COL14A1: variants seen among roughly 807,000 people sequenced by gnomAD.
COL14A1 encodes collagen type XIV alpha 1 chain, also known as collagen alpha-1(XIV) chain.
Under a neutral mutation model 230.3 loss-of-function variants are expected in COL14A1, and 136 were observed. The observed-to-expected ratio is 0.59, with a 90% CI of 0.51 to 0.68. The LOEUF is 0.68. Among genes scored for constraint, COL14A1 ranks in the 30% least tolerant of loss-of-function variants. The probability of loss-of-function intolerance (pLI) is 0.00; values close to 1 mark genes in which losing one functional copy is unlikely to be tolerated. For missense variants in COL14A1, 1,976 were observed against 2,215.8 expected (o/e 0.89, Z 2.17); for synonymous variants, 792 against 784.1 (o/e 1.01, Z -0.17).
intron 5 of COL14A1, among the ~76,000 whole-genome samples, chr8:120,169,634 T>C (rs2130587194): frequency 6.6e-6 from 1 of 152,248 alleles, no homozygotes; most frequent in Non-Finnish European, 1.5e-5. Flanking sequence ...TCCTGGTGTA[T>C]AATTTGCCTT....
intron 34 of COL14A1, among the ~76,000 whole-genome samples, chr8:120,293,333 C>G (rs977247297): frequency 1.3e-5 from 2 of 151,870 alleles, no homozygotes; most frequent in African/African-American, 4.8e-5. Context: ...TCTACAAACA[C>G]TTGTTTGAAA....
intron 45 of COL14A1, among the ~76,000 whole-genome samples, chr8:120,349,471 G>C (rs201866920): frequency 7.5e-6 from 1 of 133,546 alleles, no homozygotes; most frequent in Non-Finnish European, 1.6e-5. Flanking sequence ...CAAAGGCAAA[G>C]AAGTTGAAAA....
intron 26 of COL14A1, among the ~76,000 whole-genome samples, chr8:120,272,593 A>G (rs971955018): frequency 6.6e-5 from 10 of 151,534 alleles, no homozygotes; most frequent in African/African-American, 2.4e-4. Flanking sequence ...GTAAAGGGGT[A>G]AAAGAAGATA....
chr8:120,323,771 T>C (rs897892416), intron 40 of COL14A1, among the ~76,000 whole-genome samples: 1 of 152,208 alleles, frequency 6.6e-6, no homozygotes, highest in Admixed American at 6.5e-5. Context: ...GCTCCATTGG[T>C]CTATGTGTCT....
chr8:120,140,198 A>G (rs1388052219), intron 1 of COL14A1, among the ~76,000 whole-genome samples: 1 of 152,200 alleles, frequency 6.6e-6, no homozygotes, highest in Non-Finnish European at 1.5e-5. Context: ...ACAATTTTCT[A>G]TTCATACCAC....
chr8:120,230,084 A>G lies in COL14A1; in HGVS notation c.2197+1315A>G, dbSNP rs115492649. On this transcript the variant is annotated intron_variant, in intron 18 of 47. Transcript: ENST00000297848. The stretch of plus-strand genomic sequence containing the variant: ...TTTAGTAGAGATGAGGTCTTTCCAT[A>G]TTACCCAGGCTGGTCTTTAACTCCT... Among the ~76,000 whole-genome samples, 473 of 152,038 alleles carry G rather than the reference A, an allele frequency of 3.1e-3. 1 individual carries two copies. The highest frequency in any genetic ancestry group is 0.01 in the African/African-American group (434 of 41,482).
At chr8:120,236,454 T>G (rs1388984398) in intron 19 of COL14A1, among the ~76,000 whole-genome samples, 31 of 152,018 alleles carry the variant, frequency 2.0e-4, no homozygotes, top group Non-Finnish European at 3.4e-4. Flanking sequence ...TTTTTTTTTT[T>G]GCTTTCCATT....
rs1563392 is a variant in COL14A1 at position 120,341,453 on chromosome 8, A to T, written c.4821+93A>T. On this transcript the variant is annotated intron_variant, in intron 43 of 47. Coordinates refer to ENST00000297848, the MANE Select transcript of COL14A1 (RefSeq NM_021110.4). ...AAAGGATCATCATTTAATACCATTAATATTCATTGCAATTGTACCAGTCTC... is the reference window on the plus strand; with the variant it reads ...AAAGGATCATCATTTAATACCATTATTATTCATTGCAATTGTACCAGTCTC... 519,022 of 1,299,662 alleles carry T rather than the reference A, an allele frequency of 0.4. 106,784 individuals are homozygous for T. Among genetic ancestry groups the T allele is most frequent in the African/African-American group, 0.63 (42,593 of 67,974 alleles). The allele number at this position is 1,299,662 out of a possible 1,614,324, so 80.5% of individuals were successfully genotyped here.
At chr8:120,370,909 A>G (rs1823564728) in intron 47 of COL14A1, 1 of 1,192,156 alleles carries the variant, frequency 8.4e-7, no homozygotes, top group African/African-American at 1.6e-5. Flanking sequence ...ATAAAACATA[A>G]TATTTAAATG....
chr8:120,315,368 TTAA>T (rs1271841672), intron 38 of COL14A1, among the ~76,000 whole-genome samples, 162 bp from the exon 39 acceptor site: 3 of 95,196 alleles, frequency 3.2e-5, no homozygotes, highest in African/African-American at 1.8e-4. Flanking sequence ...AAGACTCCAT[TTAA>T]AAAAAAAAAA....
chr8:120,320,619 TAA>T (rs1166478353), intron 40 of COL14A1, among the ~76,000 whole-genome samples: 1 of 152,224 alleles, frequency 6.6e-6, no homozygotes, highest in African/African-American at 2.4e-5. Context: ...TGTAAAATAC[TAA>T]GATTCATGAT....
At chr8:120,247,429 G>A (rs201246449) in intron 20 of COL14A1, among the ~76,000 whole-genome samples, 184 bp from the exon 21 acceptor site, 20 of 149,656 alleles carry the variant, frequency 1.3e-4, no homozygotes, top group South Asian at 2.1e-4. Flanking sequence ...TCTCAAAAAA[G>A]AAAAAAAAAA....
intron 36 of COL14A1, among the ~76,000 whole-genome samples, chr8:120,306,015 A>G (rs1035570377): frequency 9.9e-5 from 15 of 152,166 alleles, no homozygotes; most frequent in Admixed American, 7.2e-4. Context: ...AACATCACAA[A>G]TTAGATGTCT....
At chr8:120,289,345 A>G (rs950131238) in intron 33 of COL14A1, among the ~76,000 whole-genome samples, 13 of 152,160 alleles carry the variant, frequency 8.5e-5, no homozygotes, top group African/African-American at 2.4e-4. Flanking sequence ...ATTGCTCTCG[A>G]GTTAGGCCGG....
chr8:120,225,495 T>C (rs1818067465), intron 15 of COL14A1, among the ~76,000 whole-genome samples: 1 of 152,176 alleles, frequency 6.6e-6, no homozygotes, highest in African/African-American at 2.4e-5. Flanking sequence ...ATCTTTTACT[T>C]TCATTCCTTA....
intron 5 of COL14A1, among the ~76,000 whole-genome samples, chr8:120,176,158 A>G (rs1563652450): frequency 6.6e-6 from 1 of 152,224 alleles, no homozygotes; most frequent in Non-Finnish European, 1.5e-5. Flanking sequence ...AAGAGCTAAG[A>G]TTATCATGGG....
intron 34 of COL14A1, 91 bp downstream of exon 34, chr8:120,289,857 CAAAA>C: frequency 7.6e-7 from 1 of 1,315,794 alleles, no homozygotes; most frequent in East Asian, 2.4e-5. Context: ...AAAGGTTTAA[CAAAA>C]AGATGAATGG....
chr8:120,229,768 C>T (rs1463526610), intron 18 of COL14A1, among the ~76,000 whole-genome samples: 1 of 152,206 alleles, frequency 6.6e-6, no homozygotes, highest in Non-Finnish European at 1.5e-5. Context: ...TCCTCTCCAG[C>T]ACCTGTTGTT....
chr8:120,344,297 CCA>C lies in COL14A1; in HGVS notation c.4889-1076_4889-1075del, dbSNP rs1203387787. 4.6e-5 allele frequency among the ~76,000 whole-genome samples: 7 copies of C among 152,322 alleles called. No individual in the cohort carries two copies. In the South Asian group the frequency reaches 1.0e-3, roughly 23 times the overall value. ...GATCCTTATTGTATTCCTTCAGCTG[CCA>C]CTCAGAACTGGATTTATCAGTTAGC... On this transcript the variant is annotated intron_variant, in intron 44 of 47. Transcript: ENST00000297848.
Sources: gnomAD v4.1 joint callset for allele counts (sites outside exome capture counted in the v4.1 genomes callset) on GRCh38, gnomAD v4.1.1 for gene constraint, MANE v1.5 for transcripts, NCBI Gene and HGNC (gene_info 2026-07-23, HGNC 2026-07-21) for gene names.